INPP4A: variants seen among roughly 807,000 people sequenced by gnomAD.
The protein encoded by INPP4A is inositol polyphosphate-4-phosphatase type I A.
In INPP4A, 33 loss-of-function variants were observed where a neutral mutation model predicts 119.8. The observed-to-expected ratio is 0.28, with a 90% CI of 0.21 to 0.37. The LOEUF is 0.37. Among genes scored for constraint, INPP4A ranks in the 10% least tolerant of loss-of-function variants. The probability of loss-of-function intolerance (pLI) is 1.00; values close to 1 mark genes in which losing one functional copy is unlikely to be tolerated. For synonymous variants in INPP4A, 496 were observed against 500.7 expected, an observed-to-expected ratio of 0.99 and a Z score of 0.12; for missense variants, 956 against 1,289.9, an observed-to-expected ratio of 0.74 and a Z score of 3.97.
intron 1 of INPP4A, among the ~76,000 whole-genome samples, chr2:98,468,054 A>G (rs1675162659): frequency 6.6e-6 from 1 of 152,162 alleles, no homozygotes; most frequent in African/African-American, 2.4e-5. Flanking sequence ...AAGTTTTACA[A>G]TTATTTATGA....
At chr2:98,451,471 C>A (rs1032910856) in intron 1 of INPP4A, among the ~76,000 whole-genome samples, 1 of 152,100 alleles carries the variant, frequency 6.6e-6, no homozygotes, top group African/African-American at 2.4e-5. Flanking sequence ...TGTTTACCCG[C>A]TGCCAGCTCC....
chr2:98,540,690 G>GA (rs1187360675), intron 10 of INPP4A, among the ~76,000 whole-genome samples: 1 of 152,212 alleles, frequency 6.6e-6, no homozygotes, highest in Non-Finnish European at 1.5e-5. Flanking sequence ...GAGCGCTCTT[G>GA]AGAGAAGGCC....
intron 4 of INPP4A, among the ~76,000 whole-genome samples, chr2:98,523,330 T>C (rs576623196): frequency 1.4e-4 from 21 of 152,306 alleles, no homozygotes; most frequent in South Asian, 4.1e-4. Context: ...CTTTAAAAAG[T>C]AAGGATTAAT....
chr2:98,535,731 A>C lies in INPP4A; in HGVS notation c.273A>C (p.Gly91=). The C allele has an allele frequency of 6.9e-7, 1 of 1,449,918 alleles. No homozygotes were observed. The highest frequency in any genetic ancestry group is 1.4e-5 in the African/African-American group (1 of 71,808). 89.8% of individuals were successfully genotyped at this position (1,449,918 alleles called of 1,614,324 possible). Residue 91 remains glycine, a splice_region_variant and synonymous_variant, in exon 6 of 25, where the codon GGA becomes GGC. Transcript: ENST00000409851. ...GATTATTTCCTTTTCTGTTCTAGGG[A>C]ACCAACAATCCTATATTTCTAAGCA... The part of the protein sequence containing the change: ...TKHAQTEIIE[G]TNNPIFLSSI...
chr2:98,587,911 C>T lies in INPP4A; in HGVS notation c.*303C>T, dbSNP rs1465721454. The T allele has an allele frequency of 3.8e-6, 1 of 260,410 alleles. No homozygotes were observed. 16.1% of individuals were successfully genotyped at this position (260,410 alleles called of 1,614,324 possible). A position where few individuals can be genotyped will look rare whatever the true frequency, so the allele number is the denominator to read the frequency against. On this transcript the variant is annotated 3_prime_UTR_variant, in exon 25 of 25. Transcript: ENST00000409851. ...TCAATAGTTACCTACATGAATCAAG[C>T]TAGGTTTGTCTGAAATGCTAGAAGA...
intron 13 of INPP4A, chr2:98,548,872 G>T: frequency 7.8e-7 from 1 of 1,282,220 alleles, no homozygotes; most frequent in Non-Finnish European, 1.1e-6. Flanking sequence ...CAAAAAATAA[G>T]TTGGCTTTTT....
chr2:98,462,041 C>T (rs1449138341), intron 1 of INPP4A, among the ~76,000 whole-genome samples: 1 of 152,214 alleles, frequency 6.6e-6, no homozygotes, highest in African/African-American at 2.4e-5. Flanking sequence ...GGTTAGACGA[C>T]GTGTTTAAGC....
intron 1 of INPP4A, among the ~76,000 whole-genome samples, chr2:98,504,033 C>T (rs1683609332): frequency 6.6e-6 from 1 of 152,240 alleles, no homozygotes; most frequent in African/African-American, 2.4e-5. Flanking sequence ...TTATTGCACT[C>T]TTTTAAAAAC....
At chr2:98,534,576 G>T (rs1689862667) in intron 5 of INPP4A, among the ~76,000 whole-genome samples, 2 of 152,212 alleles carry the variant, frequency 1.3e-5, no homozygotes, top group Admixed American at 1.3e-4. Context: ...TTCTGTTGTG[G>T]CTATGCAAAT....
In INPP4A at chr2:98,566,099, G is replaced by A; in HGVS notation, c.2350G>A (p.Gly784Ser). 6.2e-7 allele frequency: 1 copy of A among 1,600,174 alleles called. No homozygotes were observed. The highest frequency in any genetic ancestry group is 8.5e-7 in the Non-Finnish European group (1 of 1,173,992). ...CGCCTTGCCCCGGGAGATCCAGAGTGGCATGCTGCTGCGAGTGCAGCCCGT... is the reference window on the plus strand; with the variant it reads ...CGCCTTGCCCCGGGAGATCCAGAGTAGCATGCTGCTGCGAGTGCAGCCCGT... The part of the protein sequence containing the change: ...FDALPREIQS[G>S]MLLRVQPVLF... Residue 784 changes from glycine to serine, a missense_variant, in exon 21 of 25, where the codon GGC becomes AGC. This residue lies in a region of INPP4A where 304 missense variants were observed against 492.1 expected (regional missense o/e 0.62). Transcript: ENST00000409851. This position sits in a 1 kb window ranked among gnomAD's most constrained non-coding sequence, Gnocchi z 4.2.
At chr2:98,512,253 TGA>T (rs1402035360) in intron 1 of INPP4A, among the ~76,000 whole-genome samples, 2 of 152,210 alleles carry the variant, frequency 1.3e-5, no homozygotes, top group East Asian at 3.8e-4. Flanking sequence ...AAACTGAGGC[TGA>T]GAGAAGCTCA....
At chr2:98,500,644 C>G (rs1204082415) in intron 1 of INPP4A, among the ~76,000 whole-genome samples, 1 of 151,892 alleles carries the variant, frequency 6.6e-6, no homozygotes, top group Non-Finnish European at 1.5e-5. Context: ...TGGGAACTTA[C>G]TAAGAGGAAA....
At chr2:98,536,268 G>A in intron 7 of INPP4A, 60 bp downstream of exon 7, 1 of 1,056,290 alleles carries the variant, frequency 9.5e-7, no homozygotes, top group Non-Finnish European at 1.5e-6. Flanking sequence ...AGGGACAGAT[G>A]GGGAAAGGAC....
At chr2:98,527,395 A>G (rs573767501) in intron 4 of INPP4A, among the ~76,000 whole-genome samples, 25 of 152,334 alleles carry the variant, frequency 1.6e-4, no homozygotes, top group African/African-American at 6.0e-4. Flanking sequence ...TCCATTTTTT[A>G]ACATTGCAGC....
At chr2:98,559,329 A>AC (rs951003442) in intron 16 of INPP4A, 134 bp from the exon 17 acceptor site, 2 of 956,132 alleles carry the variant, frequency 2.1e-6, no homozygotes, top group African/African-American at 1.6e-5. Context: ...GCAGCCAGGC[A>AC]CCCAGACCTC....
At chr2:98,497,276 G>C (rs1351874534) in intron 1 of INPP4A, among the ~76,000 whole-genome samples, 1 of 152,246 alleles carries the variant, frequency 6.6e-6, no homozygotes, top group Non-Finnish European at 1.5e-5. Context: ...GGGTGTCCAG[G>C]TAGAAGTTTG....
chr2:98,469,634 C>A (rs536770197), intron 1 of INPP4A, among the ~76,000 whole-genome samples: 2 of 151,998 alleles, frequency 1.3e-5, no homozygotes, highest in Admixed American at 1.3e-4. Flanking sequence ...GAAACCCTGT[C>A]TCTACTAAAA....
chr2:98,543,070 C>T (rs1175265813), intron 10 of INPP4A, among the ~76,000 whole-genome samples: 1 of 152,128 alleles, frequency 6.6e-6, no homozygotes, highest in South Asian at 2.1e-4. Context: ...CAGGCGCCCA[C>T]CACCACGCCC....
intron 1 of INPP4A, among the ~76,000 whole-genome samples, chr2:98,503,617 C>G (rs1392549909): frequency 1.3e-5 from 2 of 152,252 alleles, no homozygotes; most frequent in African/African-American, 4.8e-5. Flanking sequence ...TGGATTCTTG[C>G]AGGCAGAGAT....
Sources: allele counts gnomAD v4.1 joint callset (sites outside exome capture counted in the v4.1 genomes callset), GRCh38; gene constraint gnomAD v4.1.1; regional missense constraint gnomAD v4.1.1; non-coding constraint Gnocchi (gnomAD v3.1); transcripts MANE v1.5; gene names NCBI Gene and HGNC (gene_info 2026-07-23, HGNC 2026-07-21).